Variants in NOL4 observed in about 807,000 individuals in gnomAD.
The protein encoded by NOL4 is nucleolar protein 4.
Under a neutral mutation model 75.9 loss-of-function variants are expected in NOL4, and 17 were observed. The ratio of observed to expected loss-of-function variants is 0.22; its 90% CI spans 0.15 to 0.34. The LOEUF (loss-of-function observed/expected upper bound fraction) is 0.34. NOL4 is among the 10% of genes least tolerant of loss of function. The pLI, the probability that NOL4 is intolerant of heterozygous loss-of-function variation, is 1.00. For synonymous variants in NOL4, 292 were observed against 289.9 expected (o/e 1.01, Z -0.07); for missense variants, 614 against 793.5 (o/e 0.77, Z 2.72).
intron 10 of NOL4, among the ~76,000 whole-genome samples, chr18:33,865,862 C>T (rs2063406836): frequency 6.6e-6 from 1 of 152,108 alleles, no homozygotes; most frequent in Admixed American, 6.6e-5. Context: ...TTACACTTCT[C>T]TATTTAGTTA....
chr18:34,124,688 T>A (rs1429998957), intron 2 of NOL4, among the ~76,000 whole-genome samples: 1 of 152,106 alleles, frequency 6.6e-6, no homozygotes, highest in Non-Finnish European at 1.5e-5. Context: ...GCGGATCACC[T>A]GACGTCAGGA....
chr18:34,044,342 T>C (rs1157680364), intron 5 of NOL4, among the ~76,000 whole-genome samples: 2 of 152,054 alleles, frequency 1.3e-5, no homozygotes, highest in Admixed American at 6.6e-5. Context: ...CAAAATGCTT[T>C]TCCCAAAACT....
intron 6 of NOL4, among the ~76,000 whole-genome samples, chr18:34,014,518 G>T (rs1396666037): frequency 6.6e-6 from 1 of 151,886 alleles, no homozygotes. Context: ...AGTATTCACT[G>T]CCATTAGAAT....
At chr18:34,213,809 T>C (rs2036683145) in intron 1 of NOL4, among the ~76,000 whole-genome samples, 1 of 152,058 alleles carries the variant, frequency 6.6e-6, no homozygotes, top group Non-Finnish European at 1.5e-5. Context: ...CAACACAAAA[T>C]GGACTAAGAC....
intron 1 of NOL4, among the ~76,000 whole-genome samples, chr18:34,196,827 A>G (rs1303934224): frequency 2.0e-5 from 3 of 152,092 alleles, no homozygotes; most frequent in African/African-American, 7.2e-5. Context: ...GTTTAGTTTT[A>G]TTATATATGG....
chr18:34,053,112 A>T (rs1432516030), intron 5 of NOL4, among the ~76,000 whole-genome samples: 1 of 152,026 alleles, frequency 6.6e-6, no homozygotes, highest in Non-Finnish European at 1.5e-5. Flanking sequence ...TAGGTAGAGA[A>T]CTTTTGGAAC....
Position 34,028,864 on chromosome 18 carries a change from G to T in NOL4, c.773-9263C>A, listed in dbSNP as rs963444905. Among the ~76,000 whole-genome samples the T allele has an allele frequency of 2.0e-5, 3 of 152,150 alleles. No individual in the cohort carries two copies. The East Asian group carries it at 5.8e-4, about 29-fold the overall frequency. ...GCATTGAGCTGGAGAAGTTACAGGG[G>T]TCCATGATGAATACAAAACTATTTC... On this transcript the variant is annotated intron_variant, in intron 5 of 10. Transcript: ENST00000261592.
At chr18:33,963,775 A>G (rs2070348312) in intron 6 of NOL4, among the ~76,000 whole-genome samples, 1 of 152,180 alleles carries the variant, frequency 6.6e-6, no homozygotes, top group Non-Finnish European at 1.5e-5. Flanking sequence ...TCCTTTTCTC[A>G]AATTTTCCCA....
chr18:34,028,575 T>C (rs2075470574), intron 5 of NOL4, among the ~76,000 whole-genome samples: 1 of 152,138 alleles, frequency 6.6e-6, no homozygotes, highest in East Asian at 1.9e-4. Context: ...CCACAGCCAA[T>C]GCAGCCAGAC....
intron 6 of NOL4, among the ~76,000 whole-genome samples, chr18:34,008,643 A>G (rs2074196284): frequency 6.6e-6 from 1 of 151,996 alleles, no homozygotes; most frequent in Admixed American, 6.6e-5. Context: ...GGCCCCAAAT[A>G]TCTCCTTTAC....
At chr18:33,964,504 AAAAG>A (rs1447399386) in intron 6 of NOL4, among the ~76,000 whole-genome samples, 2 of 151,132 alleles carry the variant, frequency 1.3e-5, no homozygotes, top group Admixed American at 1.3e-4. Context: ...GAAAAGAAAG[AAAAG>A]AAAGGAAGGA....
At chr18:33,899,862 T>A (rs1054382971) in intron 9 of NOL4, among the ~76,000 whole-genome samples, 1 of 152,256 alleles carries the variant, frequency 6.6e-6, no homozygotes, top group Middle Eastern at 3.4e-3. Flanking sequence ...CTGGGCTATA[T>A]GTTTTAAAAT....
chr18:34,043,273 T>C (rs1451362116), intron 5 of NOL4, among the ~76,000 whole-genome samples: 1 of 152,118 alleles, frequency 6.6e-6, no homozygotes, highest in Non-Finnish European at 1.5e-5. Flanking sequence ...TGTATGCAAA[T>C]ATGTATGTAT....
At chr18:34,059,980 C>A (rs2077004339) in intron 5 of NOL4, among the ~76,000 whole-genome samples, 2 of 152,218 alleles carry the variant, frequency 1.3e-5, no homozygotes, top group South Asian at 4.2e-4. Flanking sequence ...CTCTGACAGT[C>A]CGGGCAAGTC....
At chr18:34,162,515 A>G (rs2146188585) in intron 1 of NOL4, among the ~76,000 whole-genome samples, 1 of 152,324 alleles carries the variant, frequency 6.6e-6, no homozygotes, top group African/African-American at 2.4e-5. Context: ...CTGGACACAT[A>G]CGCCCTCCCA....
chr18:33,897,085 G>T (rs535359404), intron 9 of NOL4, among the ~76,000 whole-genome samples: 1 of 152,248 alleles, frequency 6.6e-6, no homozygotes, highest in South Asian at 2.1e-4. Context: ...ACACCAGTCA[G>T]AATGGCTATT....
At chr18:34,191,922 T>A (rs2146408250) in intron 1 of NOL4, among the ~76,000 whole-genome samples, 1 of 152,216 alleles carries the variant, frequency 6.6e-6, no homozygotes, top group South Asian at 2.1e-4. Context: ...CCTACCAACC[T>A]ATTCTCCCCC....
chr18:33,907,645 G>T (rs1387870611), intron 9 of NOL4, among the ~76,000 whole-genome samples: 1 of 152,094 alleles, frequency 6.6e-6, no homozygotes, highest in East Asian at 1.9e-4. Flanking sequence ...CTATTAATGT[G>T]GTGATGTTGG....
At chr18:33,862,298 A>G (rs1281514775) in intron 10 of NOL4, among the ~76,000 whole-genome samples, 3 of 152,314 alleles carry the variant, frequency 2.0e-5, no homozygotes. Context: ...TAAACGTTAG[A>G]CCTAAAACCA....
Sources: gnomAD v4.1 joint callset for allele counts (sites outside exome capture counted in the v4.1 genomes callset) on GRCh38, gnomAD v4.1.1 for gene constraint, MANE v1.5 for transcripts, NCBI Gene and HGNC (gene_info 2026-07-23, HGNC 2026-07-21) for gene names.